FNBP4: variants seen among roughly 807,000 people sequenced by gnomAD.
FNBP4 encodes formin binding protein 4.
In FNBP4, 34 loss-of-function variants were observed where a neutral mutation model predicts 119.3. That is an observed-to-expected ratio of 0.28 (90% CI 0.22 to 0.38). The LOEUF is 0.38. Ranked by LOEUF, FNBP4 falls within the 10% of genes least tolerant of loss-of-function variation. FNBP4 has a pLI of 1.00. For missense variants in FNBP4, 1,112 were observed against 1,228.9 expected (o/e 0.90, Z 1.42); for synonymous variants, 462 against 430.6 (o/e 1.07, Z -0.90).
intron 6 of FNBP4, 57 bp downstream of exon 6, chr11:47,750,859 C>T: frequency 6.3e-7 from 1 of 1,579,374 alleles, no homozygotes; most frequent in Non-Finnish European, 8.6e-7. Context: ...CTCCTGTGCT[C>T]AGAGTAACGC....
intron 4 of FNBP4, 122 bp from the exon 5 acceptor site, chr11:47,751,412 G>C: frequency 1.8e-6 from 2 of 1,120,798 alleles, no homozygotes; most frequent in Non-Finnish European, 2.6e-6. Flanking sequence ...GGGCACACAG[G>C]TCTTTGTTGT....
chr11:47,746,313 A>C lies in FNBP4; in HGVS notation c.988T>G (p.Leu330Val), dbSNP rs373464675. 1 of 1,614,120 alleles carries C rather than the reference A, an allele frequency of 6.2e-7. No homozygotes were observed. Among genetic ancestry groups the C allele is most frequent in the African/African-American group, 1.3e-5 (1 of 75,042 alleles). The stretch of plus-strand genomic sequence containing the variant: ...TCTTCTTCTTTTATTCCCTCAGGCA[A>C]TAAAGGAGCAAGCAGCGATGCTGCC... ...GVAASLLAPL[L>V]PEGIKEEEER... Residue 330 changes from leucine (L) to valine (V), a missense_variant, in exon 7 of 17, where the codon TTG becomes GTG. Physicochemically the swap from Leu to Val is conservative, Grantham distance 32. Transcript: ENST00000263773.
intron 8 of FNBP4, among the ~76,000 whole-genome samples, chr11:47,737,626 G>C (rs1407761496): frequency 6.6e-6 from 1 of 151,946 alleles, no homozygotes; most frequent in East Asian, 1.9e-4. Context: ...TTTTAGTAGA[G>C]ATGGGGTTTC....
At chr11:47,728,218 G>A (rs1408306361) in intron 12 of FNBP4, among the ~76,000 whole-genome samples, 3 of 151,730 alleles carry the variant, frequency 2.0e-5, no homozygotes, top group African/African-American at 7.3e-5. Flanking sequence ...AAAGCTACAA[G>A]CTTAAAACTG....
chr11:47,732,369 A>G lies in FNBP4; in HGVS notation c.1820+168T>C. 9 of 1,510,984 alleles carry G rather than the reference A, an allele frequency of 6.0e-6. No individual in the cohort carries two copies. The highest frequency in any genetic ancestry group is 1.4e-5 in the South Asian group (1 of 72,998). The allele number at this position is 1,510,984 out of a possible 1,614,324, so 93.6% of individuals were successfully genotyped here. A position where few individuals can be genotyped will look rare whatever the true frequency, so the allele number is the denominator to read the frequency against. On this transcript the variant is annotated intron_variant, in intron 11 of 16. Transcript: ENST00000263773. The surrounding 1 kb of genome is among the most constrained non-coding windows in gnomAD (Gnocchi z 4.2). ...TTTAAACATTGCTTTTGTTTCTCCA[A>G]TGTGTGGCTGGCCAAACTTTGTGCT...
chr11:47,729,592 C>T (rs1355009166), intron 12 of FNBP4: 5 of 948,712 alleles, frequency 5.3e-6, no homozygotes, highest in Non-Finnish European at 6.3e-6. Context: ...TTACTGCAGC[C>T]TCAAAATCTT....
intron 6 of FNBP4, among the ~76,000 whole-genome samples, chr11:47,748,112 G>A (rs1291152111): frequency 6.6e-6 from 1 of 151,724 alleles, no homozygotes; most frequent in Non-Finnish European, 1.5e-5. Flanking sequence ...TGGGACAGGC[G>A]CCTGTACTCC....
chr11:47,719,843 C>CTA (rs1435817187), intron 16 of FNBP4, 86 bp downstream of exon 16: 10 of 1,407,608 alleles, frequency 7.1e-6, no homozygotes, highest in Non-Finnish European at 9.7e-6. Context: ...TCTAATGCAT[C>CTA]TATAACAACC....
At chr11:47,752,496 C>T (rs776099124) in intron 4 of FNBP4, among the ~76,000 whole-genome samples, 1 of 151,564 alleles carries the variant, frequency 6.6e-6, no homozygotes, top group Non-Finnish European at 1.5e-5. Flanking sequence ...GTTAAAGTCT[C>T]TGGGCTTTCA....
Position 47,732,046 on chromosome 11 carries a change from G to A in FNBP4, c.1821-485C>T, listed in dbSNP as rs2097568089. 1 of 991,492 alleles carries A rather than the reference G, an allele frequency of 1.0e-6. No homozygotes were observed. 61.4% of individuals were successfully genotyped at this position (991,492 alleles called of 1,614,324 possible). A position where few individuals can be genotyped will look rare whatever the true frequency, so the allele number is the denominator to read the frequency against. The stretch of plus-strand genomic sequence containing the variant: ...AGGATCTGGGAGCTGAAAAATAAAA[G>A]AGCAAAGATTTCAAATAACGAAAAA... On this transcript the variant is annotated intron_variant, in intron 11 of 16. Coordinates refer to ENST00000263773, the MANE Select transcript of FNBP4 (RefSeq NM_015308.5). The surrounding 1 kb of genome is among the most constrained non-coding windows in gnomAD (Gnocchi z 4.2).
In FNBP4 at chr11:47,724,691, T is replaced by G; in HGVS notation, c.2096A>C (p.Asn699Thr). The G allele has an allele frequency of 6.2e-7, 1 of 1,613,784 alleles. No homozygotes were observed. Among genetic ancestry groups the G allele is most frequent in the Non-Finnish European group, 8.5e-7 (1 of 1,179,882 alleles). Residue 699 changes from asparagine (N) to threonine (T), a missense_variant, in exon 13 of 17, where the codon AAT (asparagine) becomes ACT (threonine). Physicochemically the swap from Asn to Thr is moderately conservative, Grantham distance 65 (BLOSUM62 0). Around this residue, in one of 2 missense-constraint regions of FNBP4, gnomAD observed 826 missense variants for 988.8 expected, o/e 0.84. Transcript: ENST00000263773. Reference protein sequence around the residue: ...LTPFWTLLQSNVPVLQPPLPL... With the variant: ...LTPFWTLLQSTVPVLQPPLPL... ...TAATGGAGGTTGAAGCACAGGAACA[T>G]TTGACTGAAGGAGGGTCCAGAATGG...
Position 47,765,375 on chromosome 11 carries a change from AAAAGAAAAGAAAAG to A in FNBP4, c.221-27_221-14del. ...GCTTCCTGTTCATCTGGATTAAAAA[AAAAGAAAAGAAAAG>A]AAAAGAAAAGAAAAGAAAAGAAAAG... On this transcript the variant is annotated splice_polypyrimidine_tract_variant and intron_variant, in intron 1 of 16. Transcript: ENST00000263773. The A allele has an allele frequency of 2.3e-6, 2 of 863,234 alleles. No individual in the cohort carries two copies. Among genetic ancestry groups the A allele is most frequent in the African/African-American group, 9.8e-5 (2 of 20,482 alleles). The allele number at this position is 863,234 out of a possible 1,614,324, so 53.5% of individuals were successfully genotyped here.
At chr11:47,765,578 GGGGGC>G (rs563635202) in intron 1 of FNBP4, among the ~76,000 whole-genome samples, 6,768 of 104,516 alleles carry the variant, frequency 0.065, 686 homozygotes, top group South Asian at 0.1. Flanking sequence ...GGGGGGGGGG[GGGGGC>G]CACTTGAGGT....
chr11:47,751,600 C>T (rs984448033), intron 4 of FNBP4, among the ~76,000 whole-genome samples: 4 of 152,116 alleles, frequency 2.6e-5, no homozygotes, highest in Non-Finnish European at 5.9e-5. Flanking sequence ...TGGCCTAACA[C>T]CAAGAATTAT....
At chr11:47,725,659 T>C in intron 12 of FNBP4, 2 of 491,916 alleles carry the variant, frequency 4.1e-6, no homozygotes, top group East Asian at 3.1e-4. Flanking sequence ...CCTCAAACTT[T>C]GTAAAAGCCA....
intron 2 of FNBP4, among the ~76,000 whole-genome samples, chr11:47,763,626 G>A (rs937885108): frequency 7.9e-5 from 12 of 151,646 alleles, no homozygotes; most frequent in African/African-American, 2.7e-4. Flanking sequence ...TCAGCCTCCC[G>A]AGTAGCTGGG....
intron 12 of FNBP4, among the ~76,000 whole-genome samples, chr11:47,728,238 T>C (rs910089075): frequency 6.6e-6 from 1 of 151,958 alleles, no homozygotes. Flanking sequence ...GAATATGTTA[T>C]GAGAATACAA....
intron 15 of FNBP4, among the ~76,000 whole-genome samples, chr11:47,721,606 C>A (rs983851532): frequency 6.6e-6 from 1 of 151,524 alleles, no homozygotes; most frequent in Admixed American, 6.6e-5. Context: ...TCCCCTCCCC[C>A]TGCCAAAAAA....
intron 12 of FNBP4, among the ~76,000 whole-genome samples, chr11:47,727,364 C>T (rs1203380953): frequency 1.3e-5 from 2 of 151,804 alleles, no homozygotes; most frequent in Non-Finnish European, 2.9e-5. Flanking sequence ...ATTCTCCTGC[C>T]TCAGCCTCGC....
Sources: gnomAD v4.1 joint callset for allele counts (sites outside exome capture counted in the v4.1 genomes callset) on GRCh38, gnomAD v4.1.1 for gene constraint, gnomAD v4.1.1 regional missense constraint, Gnocchi (gnomAD v3.1) non-coding constraint, MANE v1.5 for transcripts, NCBI Gene and HGNC (gene_info 2026-07-23, HGNC 2026-07-21) for gene names.